The following EPHB2 variants were observed in gnomAD, a reference collection of about 807,000 sequenced individuals.
The protein encoded by EPHB2 is EPH receptor B2, also known as ephrin type-B receptor 2.
A neutral mutation model predicts 96.4 loss-of-function variants in EPHB2; 18 were observed. The observed-to-expected ratio is 0.19, with a 90% confidence interval of 0.13 to 0.28. The LOEUF is 0.28. Ranked by LOEUF, EPHB2 falls within the 10% of genes least tolerant of loss-of-function variation. The pLI is 1.00. For missense variants in EPHB2, 989 were observed against 1,355.4 expected, an observed-to-expected ratio of 0.73 and a Z score of 4.25; for synonymous variants, 506 against 534.1, an observed-to-expected ratio of 0.95 and a Z score of 0.72.
At chr1:22,823,654 C>T (rs1223166704) in intron 3 of EPHB2, among the ~76,000 whole-genome samples, 1 of 152,168 alleles carries the variant, frequency 6.6e-6, no homozygotes, top group Non-Finnish European at 1.5e-5. Flanking sequence ...ATTAAATGAA[C>T]ATTGGATGAA....
intron 5 of EPHB2, among the ~76,000 whole-genome samples, chr1:22,869,370 T>A (rs1638584837): frequency 6.6e-6 from 1 of 151,844 alleles, no homozygotes; most frequent in South Asian, 2.1e-4. Context: ...ATGTCCTAGT[T>A]GGAAAAATAA....
chr1:22,850,753 TGAG>T (rs752607838), intron 3 of EPHB2, among the ~76,000 whole-genome samples: 3 of 151,912 alleles, frequency 2.0e-5, no homozygotes, highest in Admixed American at 6.5e-5. Context: ...CAAATATAGA[TGAG>T]GAGATGAGGC....
Position 22,827,802 on chromosome 1 carries a change from G to A in EPHB2, c.812-35235G>A, listed in dbSNP as rs187111527. On this transcript the variant is annotated intron_variant, in intron 3 of 15. Transcript: ENST00000374630. Reference sequence around the variant, plus strand: ...CCCTCCTGTTCCCTGTCTCACTCACGCCTGGAAATGGCTCCGCCAGGACTC... The same window carrying A: ...CCCTCCTGTTCCCTGTCTCACTCACACCTGGAAATGGCTCCGCCAGGACTC... Among the ~76,000 whole-genome samples, 331 of 152,326 alleles carry A rather than the reference G, an allele frequency of 2.2e-3. 3 individuals are homozygous for A. Among genetic ancestry groups the A allele is most frequent in the Non-Finnish European group, 3.3e-3 (226 of 68,024 alleles).
chr1:22,850,468 C>T (rs139505810), intron 3 of EPHB2, among the ~76,000 whole-genome samples: 1 of 152,354 alleles, frequency 6.6e-6, no homozygotes, highest in African/African-American at 2.4e-5. Context: ...TGGCCCACTA[C>T]ACCACCTGTC....
chr1:22,750,925 A>G (rs959468235), intron 1 of EPHB2, among the ~76,000 whole-genome samples: 25 of 152,218 alleles, frequency 1.6e-4, no homozygotes, highest in Non-Finnish European at 4.4e-5. Flanking sequence ...AGCAGGCCCC[A>G]GAGCCCATGC....
intron 3 of EPHB2, among the ~76,000 whole-genome samples, chr1:22,809,469 TA>T (rs1347767889): frequency 1.3e-5 from 2 of 152,246 alleles, no homozygotes; most frequent in Non-Finnish European, 2.9e-5. Context: ...TAGTATCTGA[TA>T]TATTAATATA....
chr1:22,821,123 G>A (rs117757175), intron 3 of EPHB2, among the ~76,000 whole-genome samples: 3 of 152,084 alleles, frequency 2.0e-5, no homozygotes, highest in African/African-American at 7.2e-5. Context: ...TCCAACCATC[G>A]CATCCACATT....
At chr1:22,783,775 C>T (rs1644568806) in intron 2 of EPHB2, among the ~76,000 whole-genome samples, 1 of 152,156 alleles carries the variant, frequency 6.6e-6, no homozygotes, top group African/African-American at 2.4e-5. Context: ...CAGGAGTACT[C>T]TCCCCAGGCA....
chr1:22,804,247 G>A (rs1644892248), intron 3 of EPHB2, among the ~76,000 whole-genome samples: 2 of 152,164 alleles, frequency 1.3e-5, no homozygotes, highest in South Asian at 4.1e-4. Flanking sequence ...CCAGCACTGT[G>A]CCTGCCACAC....
chr1:22,743,945 G>C (rs1243839220), intron 1 of EPHB2, among the ~76,000 whole-genome samples: 1 of 152,192 alleles, frequency 6.6e-6, no homozygotes, highest in African/African-American at 2.4e-5. Flanking sequence ...TAATGACGCT[G>C]TTCTTATCTG....
At chr1:22,895,675 G>T in intron 8 of EPHB2, 95 bp downstream of exon 8, 1 of 1,192,892 alleles carries the variant, frequency 8.4e-7, no homozygotes. Context: ...GTGAACCGAG[G>T]AGGCATTCTC....
intron 3 of EPHB2, among the ~76,000 whole-genome samples, chr1:22,845,126 C>CT (rs1202981539): frequency 6.6e-6 from 1 of 152,202 alleles, no homozygotes; most frequent in Non-Finnish European, 1.5e-5. Flanking sequence ...CGAGCAGTGG[C>CT]TGAAAGCACA....
At position 22,915,062 on chromosome 1, in the gene EPHB2, T is replaced by C. The variant is rs986538155; in HGVS notation, c.*1492T>C. On this transcript the variant is annotated 3_prime_UTR_variant, in exon 16 of 16. Coordinates refer to ENST00000374630, the MANE Select transcript of EPHB2 (RefSeq NM_017449.5). ...GCTGCATCGGAGGCCAGGACCCGGA[T>C]CATTCACTGTGATACCCTGCCCTCC... The C allele has an allele frequency of 2.6e-5, 4 of 152,572 alleles. No homozygotes were observed. Among genetic ancestry groups the C allele is most frequent in the African/African-American group, 7.2e-5 (3 of 41,434 alleles). The allele number at this position is 152,572 out of a possible 1,614,324, so 9.5% of individuals were successfully genotyped here. A position where few individuals can be genotyped will look rare whatever the true frequency, so the allele number is the denominator to read the frequency against.
intron 3 of EPHB2, among the ~76,000 whole-genome samples, chr1:22,817,035 A>T (rs1645084533): frequency 6.6e-6 from 1 of 152,210 alleles, no homozygotes; most frequent in Non-Finnish European, 1.5e-5. Flanking sequence ...TGTTAAATGC[A>T]TCGTGCCTTC....
chr1:22,830,082 A>G (rs1287270195), intron 3 of EPHB2, among the ~76,000 whole-genome samples: 1 of 152,112 alleles, frequency 6.6e-6, no homozygotes, highest in African/African-American at 2.4e-5. Context: ...AGGGCTGACA[A>G]TTTGCTTTTC....
At chr1:22,778,260 A>G (rs1305722058) in intron 1 of EPHB2, among the ~76,000 whole-genome samples, 1 of 152,018 alleles carries the variant, frequency 6.6e-6, no homozygotes, top group Non-Finnish European at 1.5e-5. Context: ...TCCTGACCTC[A>G]AGTGATCTCC....
chr1:22,887,225 T>G (rs1031924475), intron 6 of EPHB2, among the ~76,000 whole-genome samples: 1 of 152,088 alleles, frequency 6.6e-6, no homozygotes, highest in Admixed American at 6.5e-5. Context: ...CCAAGAGTCA[T>G]GTCTCTCCCT....
chr1:22,737,975 C>T (rs192559212), intron 1 of EPHB2, among the ~76,000 whole-genome samples: 105 of 152,256 alleles, frequency 6.9e-4, no homozygotes, highest in Non-Finnish European at 6.8e-4. Flanking sequence ...GGGTCTCAGG[C>T]CAGAACAAGG....
At position 22,756,627 on chromosome 1, in the gene EPHB2, A is replaced by G. The variant is rs542658405; in HGVS notation, c.62-24794A>G. ...TGAGGCAGCCCTGGTGGGAGAGGGG[A>G]GAGCTGGAGGATGCTCTCCAGCCCA... On this transcript the variant is annotated intron_variant, in intron 1 of 15. Transcript: ENST00000374630. Among the ~76,000 whole-genome samples the G allele has an allele frequency of 3.2e-4, 48 of 152,004 alleles. No homozygotes were observed. The East Asian group carries it at 8.8e-3, about 28-fold the overall frequency.
Sources: gnomAD v4.1 joint callset for allele counts (sites outside exome capture counted in the v4.1 genomes callset) on GRCh38, gnomAD v4.1.1 for gene constraint, MANE v1.5 for transcripts, NCBI Gene and HGNC (gene_info 2026-07-23, HGNC 2026-07-21) for gene names.